CNTN4: variants seen among roughly 807,000 people sequenced by gnomAD.
CNTN4 encodes the protein contactin 4.
A neutral mutation model predicts 122.5 loss-of-function variants in CNTN4; 77 were observed. The observed-to-expected ratio is 0.63, with a 90% CI of 0.52 to 0.76. CNTN4 has a LOEUF of 0.76. CNTN4 is among the 30% of genes least tolerant of loss of function. The probability of loss-of-function intolerance (pLI) is 0.00; values close to 1 mark genes in which losing one functional copy is unlikely to be tolerated. For synonymous variants in CNTN4, 512 were observed against 447.0 expected (o/e 1.15, Z -1.83); for missense variants, 1,256 against 1,259.1 (o/e 1.00, Z 0.04).
At chr3:2,356,184 A>C (rs1252143938) in intron 3 of CNTN4, among the ~76,000 whole-genome samples, 1 of 152,214 alleles carries the variant, frequency 6.6e-6, no homozygotes, top group Admixed American at 6.5e-5. Context: ...CTTGGATCTC[A>C]CATAAGAATG....
chr3:3,036,899 T>C (rs1699662196), intron 17 of CNTN4, among the ~76,000 whole-genome samples: 1 of 152,164 alleles, frequency 6.6e-6, no homozygotes, highest in African/African-American at 2.4e-5. Flanking sequence ...GAAGGGGTGA[T>C]AGTAATGATT....
At chr3:2,574,579 A>G (rs2079574925) in intron 4 of CNTN4, among the ~76,000 whole-genome samples, 1 of 152,196 alleles carries the variant, frequency 6.6e-6, no homozygotes, top group Admixed American at 6.5e-5. Context: ...AACCAAAACT[A>G]TTGATGCCAG....
At chr3:2,571,969 C>G (rs1449767290) in intron 4 of CNTN4, among the ~76,000 whole-genome samples, 1 of 152,208 alleles carries the variant, frequency 6.6e-6, no homozygotes, top group Non-Finnish European at 1.5e-5. Flanking sequence ...GTTGATACCA[C>G]TCCATCTTCT....
At chr3:2,102,822 G>T (rs116256972) in intron 2 of CNTN4, among the ~76,000 whole-genome samples, 1,800 of 152,176 alleles carry the variant, frequency 0.012, 31 homozygotes, top group African/African-American at 0.041. Context: ...AGAAGAAATT[G>T]TTGGGGGAAC....
intron 3 of CNTN4, among the ~76,000 whole-genome samples, chr3:2,521,954 G>A (rs1014900804): frequency 1.3e-5 from 2 of 152,082 alleles, no homozygotes; most frequent in African/African-American, 4.8e-5. Flanking sequence ...TGGTAAAGTG[G>A]TCCTGATCCC....
intron 3 of CNTN4, among the ~76,000 whole-genome samples, chr3:2,453,633 T>C (rs2048905968): frequency 6.6e-6 from 1 of 152,164 alleles, no homozygotes; most frequent in South Asian, 2.1e-4. Flanking sequence ...CTCTTTTAAC[T>C]ATGTGCTGTT....
rs766409827 is a variant in CNTN4, at chr3:2,866,902, A to G, written c.605A>G (p.Asn202Ser). The G allele has an allele frequency of 1.2e-6, 2 of 1,614,032 alleles. No homozygotes were observed. Among genetic ancestry groups the G allele is most frequent in the Non-Finnish European group, 1.7e-6 (2 of 1,179,938 alleles). Residue 202 changes from asparagine (N) to serine (S), a missense_variant, in exon 8 of 25, where the codon AAC (asparagine) becomes AGC (serine). Physicochemically the swap from Asn to Ser is conservative, Grantham distance 46 (BLOSUM62 1). Transcript: ENST00000418658. ...YTCVVTNTVT[N>S]HKVLGPPTPL... ...TGTGTGGTTACCAATACCGTGACAA[A>G]CCACAAGGTCCTGGGGCCACCTACA...
At chr3:2,513,008 A>T (rs901446666) in intron 3 of CNTN4, among the ~76,000 whole-genome samples, 1 of 152,152 alleles carries the variant, frequency 6.6e-6, no homozygotes, top group Non-Finnish European at 1.5e-5. Flanking sequence ...AGAGCTTGAG[A>T]TTTGGAGGGA....
chr3:2,998,761 C>A (rs1440176618), intron 14 of CNTN4, among the ~76,000 whole-genome samples: 1 of 152,132 alleles, frequency 6.6e-6, no homozygotes, highest in South Asian at 2.1e-4. Flanking sequence ...GGGGAACACA[C>A]CCATAGCTAT....
chr3:2,242,694 A>T (rs999659503), intron 2 of CNTN4, among the ~76,000 whole-genome samples: 1 of 152,152 alleles, frequency 6.6e-6, no homozygotes, highest in African/African-American at 2.4e-5. Context: ...CAAAATGAAT[A>T]AAGATGGATC....
intron 4 of CNTN4, among the ~76,000 whole-genome samples, chr3:2,702,623 A>T (rs1014992538): frequency 6.6e-6 from 1 of 152,312 alleles, no homozygotes. Flanking sequence ...ATTTACCCCC[A>T]GGCTTAAAGT....
chr3:3,026,727 A>T (rs1698755220), intron 15 of CNTN4, among the ~76,000 whole-genome samples: 1 of 152,200 alleles, frequency 6.6e-6, no homozygotes, highest in African/African-American at 2.4e-5. Flanking sequence ...AAGGCACGTC[A>T]TTGTGAATTT....
intron 3 of CNTN4, among the ~76,000 whole-genome samples, chr3:2,530,543 C>T (rs1006784026): frequency 2.6e-5 from 4 of 151,952 alleles, no homozygotes; most frequent in African/African-American, 9.7e-5. Context: ...CTCCTGACCT[C>T]GTGATCTGCC....
intron 4 of CNTN4, among the ~76,000 whole-genome samples, chr3:2,605,227 C>T (rs1339325298): frequency 6.6e-6 from 1 of 152,166 alleles, no homozygotes; most frequent in Non-Finnish European, 1.5e-5. Context: ...GTTTTGAACT[C>T]CTGGTCTAAA....
intron 2 of CNTN4, among the ~76,000 whole-genome samples, chr3:2,292,013 G>C (rs1261289710): frequency 6.6e-6 from 1 of 152,136 alleles, no homozygotes; most frequent in African/African-American, 2.4e-5. Context: ...TGGGATTACA[G>C]GCGTGAGCCA....
chr3:3,052,808 G>C (rs1701395906), intron 23 of CNTN4, among the ~76,000 whole-genome samples: 1 of 152,166 alleles, frequency 6.6e-6, no homozygotes, highest in African/African-American at 2.4e-5. Context: ...CATAAAGTGG[G>C]GTTCCAGAGG....
intron 3 of CNTN4, among the ~76,000 whole-genome samples, chr3:2,416,932 G>A (rs1272370452): frequency 1.3e-5 from 2 of 151,854 alleles, no homozygotes; most frequent in South Asian, 2.1e-4. Flanking sequence ...GGGATTACAC[G>A]CGTGAGCCAC....
chr3:2,220,599 CT>C (rs1357746333), intron 2 of CNTN4, among the ~76,000 whole-genome samples: 1 of 152,080 alleles, frequency 6.6e-6, no homozygotes, highest in African/African-American at 2.4e-5. Flanking sequence ...TGTTTTACGT[CT>C]GTTTTAGCCT....
intron 2 of CNTN4, among the ~76,000 whole-genome samples, chr3:2,121,802 T>C (rs2033800172): frequency 6.6e-6 from 1 of 152,220 alleles, no homozygotes; most frequent in Admixed American, 6.5e-5. Flanking sequence ...GATTAATTTG[T>C]ACTGGTTACT....
Sources: allele counts gnomAD v4.1 joint callset (sites outside exome capture counted in the v4.1 genomes callset), GRCh38; gene constraint gnomAD v4.1.1; transcripts MANE v1.5; gene names NCBI Gene and HGNC (gene_info 2026-07-23, HGNC 2026-07-21).